The following HS6ST3 variants were observed in gnomAD, a reference collection of about 807,000 sequenced individuals.
HS6ST3 encodes the protein heparan-sulfate 6-O-sulfotransferase 3.
Under a neutral mutation model 36.7 loss-of-function variants are expected in HS6ST3, and 12 were observed. The ratio of observed to expected loss-of-function variants is 0.33; its 90% CI spans 0.21 to 0.53. The LOEUF is 0.53. HS6ST3 is among the 20% of genes least tolerant of loss of function. HS6ST3 has a pLI of 0.95. For synonymous variants in HS6ST3, 240 were observed against 257.5 expected (o/e 0.93, Z 0.65); for missense variants, 584 against 640.9 (o/e 0.91, Z 0.96).
chr13:96,331,486 G>A (rs1217378542), intron 1 of HS6ST3, among the ~76,000 whole-genome samples: 1 of 152,224 alleles, frequency 6.6e-6, no homozygotes, highest in Non-Finnish European at 1.5e-5. Flanking sequence ...TCCCAGTTAG[G>A]CTGCTCAGGG....
chr13:96,242,256 C>G, intron 1 of HS6ST3, among the ~76,000 whole-genome samples: 1 of 151,312 alleles, frequency 6.6e-6, no homozygotes, highest in East Asian at 2.0e-4. Context: ...AGATCTCACT[C>G]TGTCCCCCAA....
At chr13:96,134,309 C>A (rs187453086) in intron 1 of HS6ST3, among the ~76,000 whole-genome samples, 14 of 152,048 alleles carry the variant, frequency 9.2e-5, no homozygotes, top group Non-Finnish European at 1.6e-4. Flanking sequence ...ATTTTAATAT[C>A]TTTTTCTAAT....
intron 1 of HS6ST3, among the ~76,000 whole-genome samples, chr13:96,368,962 TACTATC>T (rs1199573452): frequency 6.6e-6 from 1 of 151,894 alleles, no homozygotes; most frequent in Non-Finnish European, 1.5e-5. Flanking sequence ...ACATTTATCT[TACTATC>T]ACTGGGGTCT....
chr13:96,574,535 C>T, intron 1 of HS6ST3: 1 of 323,252 alleles, frequency 3.1e-6, no homozygotes, highest in South Asian at 5.0e-5. Flanking sequence ...GTCCCACTCC[C>T]CTGTGGGCAC....
chr13:96,786,849 T>A (rs56708063), intron 1 of HS6ST3, among the ~76,000 whole-genome samples: 1 of 133,660 alleles, frequency 7.5e-6, no homozygotes, highest in South Asian at 2.7e-4. Context: ...GTTCCATAAT[T>A]CCCAAAATCT....
At chr13:96,124,482 G>GA (rs1052526169) in intron 1 of HS6ST3, among the ~76,000 whole-genome samples, 1 of 152,022 alleles carries the variant, frequency 6.6e-6, no homozygotes, top group African/African-American at 2.4e-5. Context: ...ATAAATGAAG[G>GA]AAAAAAATAA....
intron 1 of HS6ST3, among the ~76,000 whole-genome samples, chr13:96,435,969 G>C (rs1430126284): frequency 2.6e-5 from 4 of 152,142 alleles, no homozygotes; most frequent in Non-Finnish European, 5.9e-5. Flanking sequence ...GTCGTCTCAG[G>C]CTTTATTTAT....
chr13:96,667,269 A>C (rs1361272912), intron 1 of HS6ST3, among the ~76,000 whole-genome samples: 2 of 152,226 alleles, frequency 1.3e-5, no homozygotes, highest in Non-Finnish European at 2.9e-5. Context: ...AGTTGTAACG[A>C]AATCTTCTGA....
At chr13:96,464,946 T>TTG (rs2055804539) in intron 1 of HS6ST3, among the ~76,000 whole-genome samples, 1 of 104,734 alleles carries the variant, frequency 9.5e-6, no homozygotes, top group Non-Finnish European at 1.9e-5. Context: ...GCAAGATGCT[T>TTG]CGTGTGTGTG....
At chr13:96,587,501 G>A (rs1291793666) in intron 1 of HS6ST3, among the ~76,000 whole-genome samples, 2 of 152,132 alleles carry the variant, frequency 1.3e-5, no homozygotes, top group Non-Finnish European at 2.9e-5. Flanking sequence ...GTTCAAGGTT[G>A]GGCAACTGCA....
intron 1 of HS6ST3, among the ~76,000 whole-genome samples, chr13:96,757,700 A>AT (rs1469548362): frequency 6.6e-6 from 1 of 151,390 alleles, no homozygotes; most frequent in Non-Finnish European, 1.5e-5. Context: ...CAATTTTGTC[A>AT]TTTTTTCTTG....
Position 96,630,065 on chromosome 13 carries a change from T to C in HS6ST3, c.708-202425T>C, listed in dbSNP as rs140168784. On this transcript the variant is annotated intron_variant, in intron 1 of 1. Transcript: ENST00000376705. ...ATTTTAAATGTTATTTAAAAACTTT[T>C]AATACATTCACATGCTATTTTAAAA... 3.3e-3 allele frequency among the ~76,000 whole-genome samples: 496 copies of C among 152,356 alleles called. 2 individuals are homozygous for C. The highest frequency in any genetic ancestry group is 6.1e-3 in the Admixed American group (93 of 15,304).
At chr13:96,697,464 C>A (rs1335432020) in intron 1 of HS6ST3, among the ~76,000 whole-genome samples, 1 of 151,938 alleles carries the variant, frequency 6.6e-6, no homozygotes, top group African/African-American at 2.4e-5. Flanking sequence ...CTTTTTAGAA[C>A]TGAAGAGGAC....
intron 1 of HS6ST3, among the ~76,000 whole-genome samples, chr13:96,600,651 C>T (rs1030273416): frequency 6.6e-6 from 1 of 151,938 alleles, no homozygotes; most frequent in African/African-American, 2.4e-5. Flanking sequence ...ATGGGGCATT[C>T]AAACCATTTA....
At chr13:96,171,674 ATTCAT>A (rs1443797014) in intron 1 of HS6ST3, among the ~76,000 whole-genome samples, 1 of 152,222 alleles carries the variant, frequency 6.6e-6, no homozygotes, top group Non-Finnish European at 1.5e-5. Flanking sequence ...TTTCTCAGTA[ATTCAT>A]TTCAACAAAT....
chr13:96,371,622 C>T (rs1456413658), intron 1 of HS6ST3, among the ~76,000 whole-genome samples: 1 of 152,120 alleles, frequency 6.6e-6, no homozygotes, highest in Non-Finnish European at 1.5e-5. Flanking sequence ...GTCCCCATTT[C>T]CCCCACTCCC....
chr13:96,761,606 C>T (rs1566447204), intron 1 of HS6ST3, among the ~76,000 whole-genome samples: 1 of 152,118 alleles, frequency 6.6e-6, no homozygotes, highest in Non-Finnish European at 1.5e-5. Context: ...TCTTCCTCCT[C>T]TCCAGAGGCC....
In HS6ST3 at chr13:96,547,418, G is replaced by T. The variant is rs567505225; in HGVS notation, c.708-285072G>T. Among the ~76,000 whole-genome samples the T allele has an allele frequency of 3.9e-5, 6 of 152,216 alleles. No individual in the cohort carries two copies. In the South Asian group the frequency reaches 1.2e-3, roughly 32 times the overall value. On this transcript the variant is annotated intron_variant, in intron 1 of 1. Coordinates refer to ENST00000376705, the MANE Select transcript of HS6ST3 (RefSeq NM_153456.4). The stretch of plus-strand genomic sequence containing the variant: ...TATTCACTAAATGATGCTGAGAATA[G>T]CCCTACCATCAATAATATCTTTCAT...
At position 96,232,064 on chromosome 13, in the gene HS6ST3, G is replaced by A. The variant is rs146044295; in HGVS notation, c.707+140495G>A. 1.4e-3 allele frequency among the ~76,000 whole-genome samples: 220 copies of A among 152,288 alleles called. 3 individuals carry two copies. The highest frequency in any genetic ancestry group is 4.8e-3 in the African/African-American group (201 of 41,548). On this transcript the variant is annotated intron_variant, in intron 1 of 1. Transcript: ENST00000376705. ...GGTAGGAAAGTTGAAGAAATGTGCC[G>A]CATTGACCAGATCTGGAAAAGAGGT...
Sources: gnomAD v4.1 joint callset for allele counts (sites outside exome capture counted in the v4.1 genomes callset) on GRCh38, gnomAD v4.1.1 for gene constraint, MANE v1.5 for transcripts, NCBI Gene and HGNC (gene_info 2026-07-23, HGNC 2026-07-21) for gene names.